GPC6: variants seen among roughly 807,000 people sequenced by gnomAD.
GPC6 encodes the protein glypican-6.
A neutral mutation model predicts 55.2 loss-of-function variants in GPC6; 14 were observed. The ratio of observed to expected loss-of-function variants is 0.25; its 90% CI spans 0.17 to 0.40. The LOEUF is 0.40. Among genes scored for constraint, GPC6 ranks in the 10% least tolerant of loss-of-function variants. The probability of loss-of-function intolerance (pLI) is 1.00; values close to 1 mark genes in which losing one functional copy is unlikely to be tolerated. For missense variants in GPC6, 641 were observed against 708.5 expected, an observed-to-expected ratio of 0.90 and a Z score of 1.08; for synonymous variants, 278 against 259.6, an observed-to-expected ratio of 1.07 and a Z score of -0.68.
intron 4 of GPC6, among the ~76,000 whole-genome samples, chr13:94,196,143 G>T (rs544116011): frequency 2.0e-5 from 3 of 151,472 alleles, no homozygotes; most frequent in Non-Finnish European, 2.9e-5. Flanking sequence ...AGAGGAAGCC[G>T]GGCCATACTG....
chr13:93,477,277 A>G (rs1879334577), intron 1 of GPC6, among the ~76,000 whole-genome samples: 1 of 152,200 alleles, frequency 6.6e-6, no homozygotes, highest in Non-Finnish European at 1.5e-5. Flanking sequence ...AGAATTAAAG[A>G]CAATTTTTGT....
chr13:94,103,418 G>A (rs1204683891), intron 4 of GPC6, among the ~76,000 whole-genome samples: 1 of 152,030 alleles, frequency 6.6e-6, no homozygotes, highest in Non-Finnish European at 1.5e-5. Context: ...GGGATCACTG[G>A]GTCAAATGGT....
intron 2 of GPC6, among the ~76,000 whole-genome samples, chr13:93,825,865 T>C (rs1424945381): frequency 7.6e-5 from 11 of 145,370 alleles, no homozygotes; most frequent in Admixed American, 1.4e-4. Context: ...ATTTTCTTTT[T>C]TTTTTTTTTT....
intron 3 of GPC6, among the ~76,000 whole-genome samples, chr13:93,949,894 T>C (rs910897536): frequency 2.0e-5 from 3 of 151,862 alleles, no homozygotes; most frequent in Admixed American, 6.6e-5. Context: ...CCCCGGCTGA[T>C]TTTTGTATTT....
chr13:94,166,718 C>T (rs1047830051), intron 4 of GPC6, among the ~76,000 whole-genome samples: 13 of 152,150 alleles, frequency 8.5e-5, no homozygotes, highest in Admixed American at 2.0e-4. Context: ...ATATTTTAAT[C>T]TCCTCAGAAG....
intron 5 of GPC6, among the ~76,000 whole-genome samples, chr13:94,301,667 G>C (rs931601010): frequency 3.3e-5 from 5 of 152,170 alleles, no homozygotes; most frequent in African/African-American, 1.2e-4. Context: ...AGCAAACTGA[G>C]GCTCAGAGAG....
intron 1 of GPC6, among the ~76,000 whole-genome samples, chr13:93,446,996 G>T (rs529706751): frequency 1.2e-4 from 19 of 152,146 alleles, no homozygotes; most frequent in African/African-American, 3.9e-4. Context: ...GCTGTGTCAG[G>T]TTCTCTGGTT....
At chr13:93,425,308 G>C (rs1980727) in intron 1 of GPC6, among the ~76,000 whole-genome samples, 2 of 151,926 alleles carry the variant, frequency 1.3e-5, no homozygotes, top group Non-Finnish European at 2.9e-5. Context: ...GTACTTGGTT[G>C]AATGATCAGT....
intron 2 of GPC6, among the ~76,000 whole-genome samples, chr13:93,825,203 A>T (rs1353282916): frequency 6.6e-6 from 1 of 152,134 alleles, no homozygotes; most frequent in Non-Finnish European, 1.5e-5. Context: ...ATGTTTGATG[A>T]CATTTTGGTT....
At chr13:93,510,877 T>A (rs1880930189) in intron 1 of GPC6, among the ~76,000 whole-genome samples, 1 of 148,514 alleles carries the variant, frequency 6.7e-6, no homozygotes, top group Non-Finnish European at 1.5e-5. Flanking sequence ...TTGGTTTCCA[T>A]TTCCCTGATC....
At chr13:94,226,028 CA>C (rs1890546268) in intron 4 of GPC6, among the ~76,000 whole-genome samples, 1 of 152,130 alleles carries the variant, frequency 6.6e-6, no homozygotes, top group African/African-American at 2.4e-5. Flanking sequence ...TCCCTCTCCA[CA>C]GCCCTCCTGC....
intron 1 of GPC6, among the ~76,000 whole-genome samples, chr13:93,240,495 T>G (rs2139014634): frequency 6.6e-6 from 1 of 152,214 alleles, no homozygotes; most frequent in East Asian, 1.9e-4. Context: ...GTGGAATATT[T>G]TGTTCCACTC....
chr13:94,175,843 A>G (rs1888731055), intron 4 of GPC6, among the ~76,000 whole-genome samples: 2 of 148,288 alleles, frequency 1.3e-5, no homozygotes, highest in African/African-American at 2.4e-5. Context: ...ATGTGTATAT[A>G]TAAAAGTATA....
chr13:94,288,792 A>AAT (rs370248349), intron 5 of GPC6, among the ~76,000 whole-genome samples: 57,591 of 100,752 alleles, frequency 0.57, 17,602 homozygotes, highest in African/African-American at 0.77. Flanking sequence ...ATATATAATA[A>AAT]ATATATATAT....
intron 1 of GPC6, among the ~76,000 whole-genome samples, chr13:93,486,475 A>T (rs377305901): frequency 6.6e-6 from 1 of 152,090 alleles, no homozygotes; most frequent in African/African-American, 2.4e-5. Context: ...AGTCACAAAA[A>T]CTCTGGATTT....
At chr13:93,523,012 A>AAAAT (rs1441711768) in intron 1 of GPC6, among the ~76,000 whole-genome samples, 7 of 46,976 alleles carry the variant, frequency 1.5e-4, no homozygotes, top group African/African-American at 4.3e-4. Flanking sequence ...AGAGGGAAAA[A>AAAAT]ATATATATAT....
rs1409409323 is a variant in GPC6 at position 93,740,651 on chromosome 13, C to T, written c.320-89503C>T. Among the ~76,000 whole-genome samples, 4 of 152,150 alleles carry T rather than the reference C, an allele frequency of 2.6e-5. 1 individual carries two copies. The highest frequency in any genetic ancestry group is 2.0e-4 in the Admixed American group (3 of 15,276). Reference sequence around the variant, plus strand: ...GAGATAAAATCTCCTGATCATATTTCAAAGCTTTTAGTAGAAAGCAAGTGG... The same window carrying T: ...GAGATAAAATCTCCTGATCATATTTTAAAGCTTTTAGTAGAAAGCAAGTGG... On this transcript the variant is annotated intron_variant, in intron 2 of 8. Transcript: ENST00000377047.
At chr13:94,402,866 A>G in intron 8 of GPC6, 149 bp from the exon 9 acceptor site, 1 of 757,196 alleles carries the variant, frequency 1.3e-6, no homozygotes, top group East Asian at 2.5e-5. Flanking sequence ...GATGGGGGAA[A>G]CCACCACCAT....
At chr13:93,774,925 C>T (rs1363437439) in intron 2 of GPC6, among the ~76,000 whole-genome samples, 3 of 152,032 alleles carry the variant, frequency 2.0e-5, no homozygotes, top group African/African-American at 4.8e-5. Flanking sequence ...AGAGCTCAGC[C>T]AAGGCCCCTG....
Sources: allele counts gnomAD v4.1 joint callset (sites outside exome capture counted in the v4.1 genomes callset), GRCh38; gene constraint gnomAD v4.1.1; transcripts MANE v1.5; gene names NCBI Gene and HGNC (gene_info 2026-07-23, HGNC 2026-07-21).